Variants in SULT1C3 observed in about 807,000 individuals in gnomAD.
SULT1C3 encodes sulfotransferase 1C3.
In SULT1C3, 31 loss-of-function variants were observed where a neutral mutation model predicts 28.4. The ratio of observed to expected loss-of-function variants is 1.09; its 90% CI spans 0.82 to 1.47. SULT1C3 has a LOEUF of 1.47. Ranked by LOEUF, SULT1C3 falls within the 40% of genes most tolerant of loss-of-function variation. The probability of loss-of-function intolerance (pLI) is 0.00; values close to 1 mark genes in which losing one functional copy is unlikely to be tolerated. For synonymous variants in SULT1C3, 106 were observed against 92.2 expected (o/e 1.15, Z -0.86); for missense variants, 307 against 272.5 (o/e 1.13, Z -0.89).
At chr2:108,260,481 C>T (rs879008447) in intron 7 of SULT1C3, 87 bp from the exon 8 acceptor site, 10 of 364,882 alleles carry the variant, frequency 2.7e-5, no homozygotes, top group East Asian at 7.2e-5. Flanking sequence ...GGGAAAATCA[C>T]GTGGGTAGGC....
chr2:108,252,280 G>T (rs13030422), intron 2 of SULT1C3, 85 bp from the exon 3 acceptor site: 1 of 1,344,796 alleles, frequency 7.4e-7, no homozygotes, highest in East Asian at 2.5e-5. Context: ...GTGCTCTCAT[G>T]TTGCTGTCTT....
chr2:108,258,421 A>G (rs1460664834), intron 5 of SULT1C3, among the ~76,000 whole-genome samples: 3 of 152,120 alleles, frequency 2.0e-5, no homozygotes, highest in African/African-American at 7.2e-5. Context: ...ACCCATTTAT[A>G]GGATGGCCTG....
intron 4 of SULT1C3, among the ~76,000 whole-genome samples, chr2:108,254,770 T>TATATATGTATATATGTATGC (rs1558664892): frequency 1.1e-4 from 17 of 150,322 alleles, no homozygotes; most frequent in Admixed American, 4.0e-4. Context: ...TATATGTATG[T>TATATATGTATATATGTATGC]ATGCATATAT....
At position 108,253,378 on chromosome 2, in the gene SULT1C3, A is replaced by C. The variant is rs2104388531; in HGVS notation, c.335A>C (p.Gln112Pro). 6.3e-7 allele frequency: 1 copy of C among 1,582,546 alleles called. No individual in the cohort carries two copies. The highest frequency in any genetic ancestry group is 2.3e-5 in the East Asian group (1 of 44,378). ...TTCGTTCTTGAAATGTCCTCACCAC[A>C]ACTGATAAAAACACATCTCCCTTCA... ...LEFVLEMSSP[Q>P]LIKTHLPSHL... Residue 112 changes from glutamine (Q) to proline (P), a missense_variant, in exon 4 of 8, where the codon CAA becomes CCA. By Grantham distance (76) the Gln-to-Pro change is moderately conservative. Coordinates refer to ENST00000681802, the MANE Select transcript of SULT1C3 (RefSeq NM_001320878.2).
chr2:108,249,503 T>G (rs1205967542), intron 2 of SULT1C3, among the ~76,000 whole-genome samples: 1 of 152,044 alleles, frequency 6.6e-6, no homozygotes, highest in Non-Finnish European at 1.5e-5. Flanking sequence ...TATGACATTT[T>G]AAAAATACCA....
At chr2:108,254,715 A>G (rs1335146898) in intron 4 of SULT1C3, among the ~76,000 whole-genome samples, 1 of 151,030 alleles carries the variant, frequency 6.6e-6, no homozygotes, top group Non-Finnish European at 1.5e-5. Context: ...ATATATATGT[A>G]TGTATATATA....
chr2:108,242,645 C>T (rs1164997221), intron 1 of SULT1C3, among the ~76,000 whole-genome samples: 1 of 152,142 alleles, frequency 6.6e-6, no homozygotes, highest in Non-Finnish European at 1.5e-5. Context: ...GTGAAACCCC[C>T]AAAACATAAA....
intron 2 of SULT1C3, among the ~76,000 whole-genome samples, chr2:108,249,565 A>G (rs1296798932): frequency 6.6e-6 from 1 of 152,118 alleles, no homozygotes; most frequent in Admixed American, 6.6e-5. Context: ...AATGAACTTA[A>G]CAAAGCTGTG....
At position 108,247,280 on chromosome 2, in the gene SULT1C3, T is replaced by G. The variant is rs750475374; in HGVS notation, c.86T>G (p.Leu29Trp). ...NIMEVDGVPT[L>W]ILSKEWWEKV... ...ATGGAAGTAGATGGAGTCCCTACGT[T>G]GATATTATCAAAAGAATGGTGGGAA... Residue 29 changes from leucine to tryptophan, a missense_variant, in exon 2 of 8, where the codon TTG (leucine) becomes TGG (tryptophan). Physicochemically the swap from Leu to Trp is moderately conservative, Grantham distance 61. Coordinates refer to ENST00000681802, the MANE Select transcript of SULT1C3 (RefSeq NM_001320878.2). 1.3e-6 allele frequency: 2 copies of G among 1,598,208 alleles called. No homozygotes were observed. Among genetic ancestry groups the G allele is most frequent in the South Asian group, 2.3e-5 (2 of 88,176 alleles).
At chr2:108,246,913 C>G (rs1042837584) in intron 1 of SULT1C3, among the ~76,000 whole-genome samples, 2 of 152,182 alleles carry the variant, frequency 1.3e-5, no homozygotes, top group Non-Finnish European at 2.9e-5. Flanking sequence ...TCAGCCCCAA[C>G]AGGTATTGAT....
chr2:108,264,753 C>T (rs1226008906), downstream of SULT1C3: 20 of 1,433,704 alleles, frequency 1.4e-5, no homozygotes, highest in Non-Finnish European at 1.8e-5. Flanking sequence ...TCTCCAAATA[C>T]TGTCCAAATG....
At chr2:108,244,101 G>A (rs1206606040) in intron 1 of SULT1C3, among the ~76,000 whole-genome samples, 1 of 151,334 alleles carries the variant, frequency 6.6e-6, no homozygotes, top group Non-Finnish European at 1.5e-5. Context: ...GACATGCAAA[G>A]CACACCAAAT....
downstream of SULT1C3, chr2:108,265,113 G>C: frequency 6.8e-7 from 1 of 1,463,536 alleles, no homozygotes; most frequent in Non-Finnish European, 9.3e-7. Context: ...CTTTCCAGCA[G>C]CACCACTGTA....
At position 108,260,863 on chromosome 2, in the gene SULT1C3, A is replaced by C. The variant is rs1676008362; in HGVS notation, c.*183A>C. ...ATCAACAAACCAGTTACTCCAGTAAATAAAATAAGAGAATTAGAGAGCAGA... is the reference window on the plus strand; with the variant it reads ...ATCAACAAACCAGTTACTCCAGTAACTAAAATAAGAGAATTAGAGAGCAGA... On this transcript the variant is annotated 3_prime_UTR_variant, in exon 8 of 8. Transcript: ENST00000681802. 6.6e-6 allele frequency among the ~76,000 whole-genome samples: 1 copy of C among 152,188 alleles called. No individual in the cohort carries two copies.
intron 5 of SULT1C3, among the ~76,000 whole-genome samples, chr2:108,256,700 T>G (rs187953171): frequency 9.1e-4 from 138 of 152,080 alleles, no homozygotes; most frequent in Middle Eastern, 6.8e-3. Context: ...AAAAGAAAAA[T>G]CAAAATGAAG....
intron 1 of SULT1C3, among the ~76,000 whole-genome samples, chr2:108,241,320 G>A (rs145917329): frequency 6.6e-5 from 10 of 152,302 alleles, no homozygotes; most frequent in East Asian, 3.9e-4. Context: ...CTATATTGCC[G>A]TAAGTTAAGA....
rs561717114 is a variant in SULT1C3 at position 108,252,177 on chromosome 2, A to G, written c.173-188A>G. ...TAGATAGATAGATAGATAGATAGATAGATAGATAGATGGATAGATAGATGG... is the reference window on the plus strand; with the variant it reads ...TAGATAGATAGATAGATAGATAGATGGATAGATAGATGGATAGATAGATGG... On this transcript the variant is annotated intron_variant, in intron 2 of 7. Coordinates refer to ENST00000681802, the MANE Select transcript of SULT1C3 (RefSeq NM_001320878.2). Among the ~76,000 whole-genome samples the G allele has an allele frequency of 8.4e-4, 127 of 151,196 alleles. 1 individual carries two copies. In the South Asian group the frequency reaches 0.017, roughly 21 times the overall value.
chr2:108,264,727 T>C, downstream of SULT1C3: 1 of 1,194,676 alleles, frequency 8.4e-7, no homozygotes, highest in Middle Eastern at 2.0e-4. Flanking sequence ...GTTCAAATGA[T>C]CCTTTAACTC....
At chr2:108,245,167 A>G (rs889963284) in intron 1 of SULT1C3, among the ~76,000 whole-genome samples, 1 of 152,186 alleles carries the variant, frequency 6.6e-6, no homozygotes, top group Non-Finnish European at 1.5e-5. Context: ...TGTGCCACCC[A>G]TGACTGCAGA....
Sources: gnomAD v4.1 joint callset for allele counts (sites outside exome capture counted in the v4.1 genomes callset) on GRCh38, gnomAD v4.1.1 for gene constraint, MANE v1.5 for transcripts, NCBI Gene and HGNC (gene_info 2026-07-23, HGNC 2026-07-21) for gene names.